HFM1: variants seen among roughly 807,000 people sequenced by gnomAD.
The protein encoded by HFM1 is helicase for meiosis 1, also known as probable ATP-dependent DNA helicase HFM1.
In HFM1, 169 loss-of-function variants were observed where a neutral mutation model predicts 192.1. The ratio of observed to expected loss-of-function variants is 0.88; its 90% CI spans 0.78 to 1.00. The LOEUF is 1.00. HFM1 is among the 50% of genes least tolerant of loss of function. The pLI is 0.00. For synonymous variants in HFM1, 525 were observed against 537.8 expected (o/e 0.98, Z 0.33); for missense variants, 1,661 against 1,668.0 (o/e 1.00, Z 0.07).
At chr1:91,358,891 G>C (rs923811861) in intron 13 of HFM1, among the ~76,000 whole-genome samples, 3 of 152,110 alleles carry the variant, frequency 2.0e-5, no homozygotes, top group African/African-American at 7.2e-5. Flanking sequence ...CCTGGGGATG[G>C]AGCTTCTAGA....
At chr1:91,354,726 C>T (rs1012774045) in intron 13 of HFM1, among the ~76,000 whole-genome samples, 15 of 151,924 alleles carry the variant, frequency 9.9e-5, no homozygotes, top group Admixed American at 9.2e-4. Context: ...TGCCAGTAAA[C>T]AATACTATAC....
intron 1 of HFM1, among the ~76,000 whole-genome samples, chr1:91,401,565 A>G (rs1664312593): frequency 6.6e-6 from 1 of 152,322 alleles, no homozygotes; most frequent in East Asian, 1.9e-4. Context: ...ACAATATACT[A>G]TGTACATATG....
chr1:91,364,632 A>ATATATATATT (rs753472335), intron 13 of HFM1, among the ~76,000 whole-genome samples: 3 of 66,786 alleles, frequency 4.5e-5, no homozygotes, highest in African/African-American at 1.3e-4. Flanking sequence ...ATATATATAT[A>ATATATATATT]TTTTTTTTTT....
intron 7 of HFM1, 74 bp from the exon 8 acceptor site, chr1:91,380,310 AGTCTTAGT>A: frequency 1.1e-6 from 1 of 932,658 alleles, no homozygotes; most frequent in Non-Finnish European, 1.5e-6. Flanking sequence ...TTAAAAAAAA[AGTCTTAGT>A]AAGAATCTAA....
At chr1:91,333,960 T>C (rs1031899610) in intron 20 of HFM1, among the ~76,000 whole-genome samples, 1 of 152,122 alleles carries the variant, frequency 6.6e-6, no homozygotes, top group Non-Finnish European at 1.5e-5. Context: ...ATGGAGGAAA[T>C]CAAACCTAAG....
intron 2 of HFM1, among the ~76,000 whole-genome samples, chr1:91,400,000 T>C (rs1157433048): frequency 6.6e-6 from 1 of 152,252 alleles, no homozygotes; most frequent in Non-Finnish European, 1.5e-5. Flanking sequence ...CTTATTAATG[T>C]CTTTCCATTT....
intron 16 of HFM1, among the ~76,000 whole-genome samples, chr1:91,352,145 T>A (rs1657018828): frequency 1.3e-5 from 2 of 151,600 alleles, no homozygotes. Flanking sequence ...GACCTAGGGA[T>A]GTTTCATGTT....
At chr1:91,288,987 G>A (rs879162666) in intron 30 of HFM1, among the ~76,000 whole-genome samples, 13 of 151,356 alleles carry the variant, frequency 8.6e-5, no homozygotes, top group South Asian at 2.1e-4. Flanking sequence ...CGGACGGGGC[G>A]GCTGGTCAGG....
At chr1:91,340,967 G>A (rs1356463023) in intron 20 of HFM1, among the ~76,000 whole-genome samples, 1 of 152,074 alleles carries the variant, frequency 6.6e-6, no homozygotes, top group Non-Finnish European at 1.5e-5. Flanking sequence ...GACCTACAAA[G>A]AGACTTAGAT....
At chr1:91,333,008 T>C (rs1654051113) in intron 20 of HFM1, among the ~76,000 whole-genome samples, 1 of 152,204 alleles carries the variant, frequency 6.6e-6, no homozygotes, top group Non-Finnish European at 1.5e-5. Flanking sequence ...GGTGGGAATG[T>C]AAATTAGTAC....
rs187710342 is a variant in HFM1 at position 91,344,317 on chromosome 1, T to G, written c.2255-807A>C. Among the ~76,000 whole-genome samples, 192 of 152,312 alleles carry G rather than the reference T, an allele frequency of 1.3e-3. 3 individuals are homozygous for G. The highest frequency in any genetic ancestry group is 0.012 in the South Asian group (57 of 4,824). Reference sequence around the variant, plus strand: ...AGAGCAGCCACTCAAAAAAACACCCTTGGAGTTCTTTGGGAAATATTTTAG... The same window carrying G: ...AGAGCAGCCACTCAAAAAAACACCCGTGGAGTTCTTTGGGAAATATTTTAG... On this transcript the variant is annotated intron_variant, in intron 19 of 38. Coordinates refer to ENST00000370425, the MANE Select transcript of HFM1 (RefSeq NM_001017975.6).
intron 20 of HFM1, among the ~76,000 whole-genome samples, chr1:91,334,904 G>T (rs1654365418): frequency 6.6e-6 from 1 of 151,600 alleles, no homozygotes. Flanking sequence ...ACTCTAGCCT[G>T]GGTGACAGAG....
chr1:91,316,031 T>G, intron 27 of HFM1, 59 bp from the exon 28 acceptor site: 1 of 1,469,050 alleles, frequency 6.8e-7, no homozygotes, highest in Non-Finnish European at 9.5e-7. Flanking sequence ...CATACTCAGC[T>G]GAAGCCTATT....
rs187487830 is a variant in HFM1 at position 91,363,657 on chromosome 1, C to T, written c.1686-10358G>A. ...CCTCAAAGACCTACAACCAGAAATA[C>T]CATTTGACCTAGCAATCCCATTACT... On this transcript the variant is annotated intron_variant, in intron 13 of 38. Transcript: ENST00000370425. Among the ~76,000 whole-genome samples the T allele has an allele frequency of 4.9e-3, 748 of 152,224 alleles. 7 individuals carry two copies. The highest frequency in any genetic ancestry group is 0.021 in the South Asian group (103 of 4,824).
chr1:91,385,714 G>A lies in HFM1; in HGVS notation c.615C>T (p.Asn205=). The change falls in exon 5 of 39, where the codon AAC becomes AAT. Residue 205 remains asparagine (N), a synonymous_variant. Transcript: ENST00000370425. ...QTEMNKGKSR[N]YSNSKQKFQY... is the part of the protein sequence containing the mutation. Reference sequence around the variant, plus strand: ...GAAATTTTTGCTTACTATTGCTATAGTTCCTTGATTTCCCTTTGTTCATTT... The same window carrying A: ...GAAATTTTTGCTTACTATTGCTATAATTCCTTGATTTCCCTTTGTTCATTT... The A allele has an allele frequency of 6.2e-7, 1 of 1,612,752 alleles. No individual in the cohort carries two copies. The highest frequency in any genetic ancestry group is 8.5e-7 in the Non-Finnish European group (1 of 1,178,898).
intron 13 of HFM1, among the ~76,000 whole-genome samples, chr1:91,370,300 T>G (rs1224993533): frequency 6.6e-6 from 1 of 152,124 alleles, no homozygotes; most frequent in East Asian, 1.9e-4. Context: ...AAGAGAATTT[T>G]AGACCAATAT....
intron 13 of HFM1, among the ~76,000 whole-genome samples, chr1:91,369,685 G>A (rs990028594): frequency 4.0e-5 from 6 of 151,724 alleles, no homozygotes; most frequent in African/African-American, 1.5e-4. Context: ...AAAGAACTAG[G>A]GAAGCAAGAG....
intron 1 of HFM1, chr1:91,404,525 T>A (rs1664661054): frequency 4.6e-6 from 1 of 216,060 alleles, no homozygotes; most frequent in African/African-American, 2.4e-5. Context: ...GCCCAGCCGG[T>A]CCCACCTCGC....
intron 30 of HFM1, among the ~76,000 whole-genome samples, chr1:91,295,410 T>C (rs77684743): frequency 0.096 from 14,652 of 152,184 alleles, 743 homozygotes; most frequent in East Asian, 0.16. Flanking sequence ...TCTCCTTGGC[T>C]TGTGAATGGC....
Sources: allele counts gnomAD v4.1 joint callset (sites outside exome capture counted in the v4.1 genomes callset), GRCh38; gene constraint gnomAD v4.1.1; transcripts MANE v1.5; gene names NCBI Gene and HGNC (gene_info 2026-07-23, HGNC 2026-07-21).